Variants in ELFN1 observed in about 807,000 individuals in gnomAD.
ELFN1 encodes protein ELFN1.
ELFN1 carries 6 observed loss-of-function variants against 7.6 expected under a neutral mutation model. The ratio of observed to expected loss-of-function variants is 0.79; its 90% CI spans 0.43 to 1.56. The LOEUF is 1.56. Among genes scored for constraint, ELFN1 ranks in the 40% most tolerant of loss-of-function variants. The probability of loss-of-function intolerance (pLI) is 0.01; values close to 1 mark genes in which losing one functional copy is unlikely to be tolerated. For synonymous variants in ELFN1, 657 were observed against 588.1 expected, an observed-to-expected ratio of 1.12 and a Z score of -1.70; for missense variants, 1,169 against 1,232.2, an observed-to-expected ratio of 0.95 and a Z score of 0.77.
intron 3 of ELFN1, among the ~76,000 whole-genome samples, chr7:1,733,905 A>G (rs1177055531): frequency 6.6e-6 from 1 of 152,130 alleles, no homozygotes; most frequent in Non-Finnish European, 1.5e-5. Context: ...CCAGCATCTT[A>G]GCAGGAGGTC....
chr7:1,739,806 G>A lies in ELFN1; in HGVS notation c.-293-4498G>A, dbSNP rs1433580681. The stretch of plus-strand genomic sequence containing the variant: ...CGGTGGCCTTGGTGAGAGCGGCTCA[G>A]AGGGCCCGAGGGGGGACGCCCGGTG... On this transcript the variant is annotated intron_variant, in intron 3 of 3. Transcript: ENST00000424383. This position sits in a 1 kb window ranked among gnomAD's most constrained non-coding sequence, Gnocchi z 4.6. Among the ~76,000 whole-genome samples the A allele has an allele frequency of 6.6e-6, 1 of 152,226 alleles. No homozygotes were observed. Among genetic ancestry groups the A allele is most frequent in the African/African-American group, 2.4e-5 (1 of 41,452 alleles).
At chr7:1,670,172 A>G, upstream of ELFN1, among the ~76,000 whole-genome samples, 1 of 39,608 alleles carries the variant, frequency 2.5e-5, no homozygotes, top group Non-Finnish European at 5.3e-5. This position sits in a 1 kb window ranked among gnomAD's most constrained non-coding sequence, Gnocchi z 6.4. Context: ...GGAGGGAGGG[A>G]AGGGGGGCGG....
chr7:1,674,429 G>A (rs1778827815), intron 1 of ELFN1, among the ~76,000 whole-genome samples: 1 of 152,162 alleles, frequency 6.6e-6, no homozygotes, highest in Non-Finnish European at 1.5e-5. Context: ...ACGGCTTCCA[G>A]GCTCCCCTCG....
rs569479728 is a variant in ELFN1, at chr7:1,694,302, C to G, written c.-456+6152C>G. The G allele has an allele frequency of 1.2e-5, 2 of 165,822 alleles. 1 individual carries two copies. The highest frequency in any genetic ancestry group is 3.2e-4 in the South Asian group (2 of 6,182). 10.3% of individuals were successfully genotyped at this position (165,822 alleles called of 1,614,324 possible). A position where few individuals can be genotyped will look rare whatever the true frequency, so the allele number is the denominator to read the frequency against. ...CTCCCTGCGGGTGGTTTTCCTGCCT[C>G]CCTTTGCCGTTTTGCTGGTTATCAA... On this transcript the variant is annotated intron_variant, in intron 2 of 3. Coordinates refer to ENST00000424383, the MANE Select transcript of ELFN1 (RefSeq NM_001128636.4).
At chr7:1,731,848 C>T (rs372966993) in intron 3 of ELFN1, among the ~76,000 whole-genome samples, 3 of 152,300 alleles carry the variant, frequency 2.0e-5, no homozygotes, top group African/African-American at 7.2e-5. Flanking sequence ...CGGGGTTTTG[C>T]CATGTTGGCC....
Position 1,746,795 on chromosome 7 carries a change from G to A in ELFN1, c.2199G>A (p.Lys733=), listed in dbSNP as rs1193678218. 6.5e-7 allele frequency: 1 copy of A among 1,529,628 alleles called. No homozygotes were observed. The allele number at this position is 1,529,628 out of a possible 1,614,324, so 94.8% of individuals were successfully genotyped here. A position where few individuals can be genotyped will look rare whatever the true frequency, so the allele number is the denominator to read the frequency against. ...PPPPHEGLGR[K]ASILEPLTRP... ...CTCCGCACGAGGGCCTGGGGCGCAA[G>A]GCGTCCATCCTGGAGCCACTCACCC... is the stretch of plus-strand genomic sequence containing the variant. Residue 733 remains lysine, a synonymous_variant, in exon 4 of 4, where the codon AAG becomes AAA. Transcript: ENST00000424383.
At chr7:1,736,481 A>T (rs527250312) in intron 3 of ELFN1, among the ~76,000 whole-genome samples, 2 of 152,352 alleles carry the variant, frequency 1.3e-5, no homozygotes, top group East Asian at 3.9e-4. Flanking sequence ...TTCAGTCGTA[A>T]GAAGTTTAAA....
At chr7:1,713,273 A>G (rs996201144) in intron 3 of ELFN1, among the ~76,000 whole-genome samples, 1 of 152,186 alleles carries the variant, frequency 6.6e-6, no homozygotes. Context: ...GAATGAGTAG[A>G]TGGGACGCTT....
At chr7:1,669,724 G>A (rs1353600547), upstream of ELFN1, among the ~76,000 whole-genome samples, 1 of 152,200 alleles carries the variant, frequency 6.6e-6, no homozygotes, top group African/African-American at 2.4e-5. Context: ...CCCGGCCTGC[G>A]CCCTGCGTTC....
At chr7:1,725,735 G>A (rs1780173231) in intron 3 of ELFN1, among the ~76,000 whole-genome samples, 1 of 152,194 alleles carries the variant, frequency 6.6e-6, no homozygotes, top group South Asian at 2.1e-4. Flanking sequence ...AAAGGGTGGG[G>A]CGGGGCAAGT....
rs1778804188 is a variant in ELFN1, at chr7:1,673,295, G to A, written c.-549+2941G>A. 6.6e-6 allele frequency among the ~76,000 whole-genome samples: 1 copy of A among 152,148 alleles called. No individual in the cohort carries two copies. Among genetic ancestry groups the A allele is most frequent in the Admixed American group, 6.5e-5 (1 of 15,282 alleles). ...GGGTGGGGCCGGAGAGGGTGGTGGA[G>A]GGGTCCTATGTCTGGCGTCTGTGTC... On this transcript the variant is annotated intron_variant, in intron 1 of 3. Coordinates refer to ENST00000424383, the MANE Select transcript of ELFN1 (RefSeq NM_001128636.4). This position sits in a 1 kb window ranked among gnomAD's most constrained non-coding sequence, Gnocchi z 4.7.
intron 1 of ELFN1, among the ~76,000 whole-genome samples, chr7:1,682,418 T>C (rs1583314153): frequency 6.6e-6 from 1 of 152,254 alleles, no homozygotes; most frequent in South Asian, 2.1e-4. Context: ...CCATTTGAAG[T>C]ATATGCCTAT....
At position 1,683,964 on chromosome 7, in the gene ELFN1, C is replaced by A. The variant is rs535750538; in HGVS notation, c.-548-4094C>A. Among the ~76,000 whole-genome samples the A allele has an allele frequency of 1.2e-4, 19 of 152,248 alleles. No homozygotes were observed. The South Asian group carries it at 3.7e-3, about 30-fold the overall frequency. ...AGGAGTTTGAGACCACCCTGGGAAG[C>A]ATAGGGAGACCCTGTCTCTACAAAA... On this transcript the variant is annotated intron_variant, in intron 1 of 3. Coordinates refer to ENST00000424383, the MANE Select transcript of ELFN1 (RefSeq NM_001128636.4).
At chr7:1,718,944 A>ATGGGATGCACAGGAGGC (rs1386798816) in intron 3 of ELFN1, among the ~76,000 whole-genome samples, 25 of 152,242 alleles carry the variant, frequency 1.6e-4, no homozygotes, top group South Asian at 2.1e-4. Flanking sequence ...GGTTCTTAGG[A>ATGGGATGCACAGGAGGC]TGGGATGCAC....
chr7:1,696,795 T>C lies in ELFN1; in HGVS notation c.-456+8645T>C, dbSNP rs535115615. On this transcript the variant is annotated intron_variant, in intron 2 of 3. Transcript: ENST00000424383. ...ATCACCTCCCAGAGAACCCGCTGCC[T>C]CCTCTCATCAGCCGGGGGCCAGGGC... Among the ~76,000 whole-genome samples the C allele has an allele frequency of 2.0e-5, 3 of 152,210 alleles. No individual in the cohort carries two copies. The East Asian group carries it at 5.8e-4, about 29-fold the overall frequency.
In ELFN1 at chr7:1,746,894, C is replaced by T. The variant is rs574238696; in HGVS notation, c.2298C>T (p.Pro766=). The change falls in exon 4 of 4, where the codon CCC becomes CCT. Residue 766 remains proline, a synonymous_variant. Coordinates refer to ENST00000424383, the MANE Select transcript of ELFN1 (RefSeq NM_001128636.4). ...ACAGCCTGAGCTACTCCTCCAGCCC[C>T]GAGTACACCTGCCGGGCCTCCCAGA... is the stretch of plus-strand genomic sequence containing the variant. ...QYHSLSYSSS[P]EYTCRASQSI... is the part of the protein sequence containing the mutation. 11 of 1,547,018 alleles carry T rather than the reference C, an allele frequency of 7.1e-6. No individual in the cohort carries two copies. The highest frequency in any genetic ancestry group is 1.7e-4 in the Middle Eastern group (1 of 5,982).
intron 3 of ELFN1, among the ~76,000 whole-genome samples, chr7:1,730,829 CAG>C (rs1780310485): frequency 6.6e-6 from 1 of 151,954 alleles, no homozygotes; most frequent in Non-Finnish European, 1.5e-5. Context: ...AGACATGAAA[CAG>C]AATTAAATGG....
At chr7:1,716,471 G>C (rs1010263666) in intron 3 of ELFN1, among the ~76,000 whole-genome samples, 3 of 152,224 alleles carry the variant, frequency 2.0e-5, no homozygotes, top group Non-Finnish European at 4.4e-5. Flanking sequence ...CTTCCTTCCT[G>C]CCGCTGGACG....
chr7:1,693,869 G>A (rs1450587821), intron 2 of ELFN1: 3 of 439,874 alleles, frequency 6.8e-6, no homozygotes, highest in South Asian at 3.3e-5. Context: ...CAGCAGGAGT[G>A]AGAGTGCTTC....
Sources: allele counts gnomAD v4.1 joint callset (sites outside exome capture counted in the v4.1 genomes callset), GRCh38; gene constraint gnomAD v4.1.1; non-coding constraint Gnocchi (gnomAD v3.1); transcripts MANE v1.5; gene names NCBI Gene and HGNC (gene_info 2026-07-23, HGNC 2026-07-21).